The following IP6K2 variants were observed in gnomAD, a reference collection of about 807,000 sequenced individuals.
The protein encoded by IP6K2 is ATP:1D-myo-inositol-hexakisphosphate phosphotransferase.
A neutral mutation model predicts 43.3 loss-of-function variants in IP6K2; 9 were observed. That is an observed-to-expected ratio of 0.21 (90% CI 0.13 to 0.36). The LOEUF (loss-of-function observed/expected upper bound fraction) is 0.36. Among genes scored for constraint, IP6K2 ranks in the 10% least tolerant of loss-of-function variants. The probability of loss-of-function intolerance (pLI) is 1.00; values close to 1 mark genes in which losing one functional copy is unlikely to be tolerated. For synonymous variants in IP6K2, 209 were observed against 202.4 expected (o/e 1.03, Z -0.28); for missense variants, 332 against 538.4 (o/e 0.62, Z 3.79).
chr3:48,712,961 C>G (rs1340057651), intron 1 of IP6K2, among the ~76,000 whole-genome samples: 1 of 151,698 alleles, frequency 6.6e-6, no homozygotes, highest in Non-Finnish European at 1.5e-5. Flanking sequence ...TGCAATGAGC[C>G]GAGATCGCGC....
At chr3:48,694,866 C>G (rs943529676) in intron 2 of IP6K2, 1 of 1,537,832 alleles carries the variant, frequency 6.5e-7, no homozygotes, top group Admixed American at 2.0e-5. Flanking sequence ...AAATCAAACT[C>G]AAATCCACAC....
At chr3:48,704,753 G>A (rs1047512714) in intron 1 of IP6K2, among the ~76,000 whole-genome samples, 3 of 151,710 alleles carry the variant, frequency 2.0e-5, no homozygotes, top group East Asian at 3.9e-4. Context: ...GATTAGAGGC[G>A]TGTGCCACCG....
At chr3:48,714,473 A>G (rs1029986424) in intron 1 of IP6K2, among the ~76,000 whole-genome samples, 2 of 151,694 alleles carry the variant, frequency 1.3e-5, no homozygotes, top group Non-Finnish European at 2.9e-5. Context: ...GCTCACTGCA[A>G]TCTCCACCCC....
chr3:48,705,194 A>G (rs930558333), intron 1 of IP6K2, among the ~76,000 whole-genome samples: 5 of 150,900 alleles, frequency 3.3e-5, no homozygotes, highest in Non-Finnish European at 7.4e-5. Context: ...CCGCTGCCTC[A>G]GCCTCCCAAA....
chr3:48,696,948 A>T (rs2078421840), intron 1 of IP6K2, among the ~76,000 whole-genome samples: 1 of 151,898 alleles, frequency 6.6e-6, no homozygotes, highest in Non-Finnish European at 1.5e-5. Flanking sequence ...ACAATAAGCC[A>T]CTTCTCCCAA....
chr3:48,710,789 TTAG>T (rs1302372584), intron 1 of IP6K2, among the ~76,000 whole-genome samples: 1 of 152,132 alleles, frequency 6.6e-6, no homozygotes, highest in Non-Finnish European at 1.5e-5. Context: ...TTTTGTATTT[TTAG>T]TAGAGACAGG....
At chr3:48,694,018 CAG>C in intron 2 of IP6K2, 1 of 1,401,328 alleles carries the variant, frequency 7.1e-7, no homozygotes, top group South Asian at 1.7e-5. Flanking sequence ...CCTTTCCTCC[CAG>C]GCCTCTCTGC....
rs557103786 is a variant in IP6K2, at chr3:48,707,925, G to C, written c.-131+9232C>G. Reference sequence around the variant, plus strand: ...CTTTCTAGAACCACCAGCACAACTAGCTGCCCTATCTCTCTGCCTCGTCTG... The same window carrying C: ...CTTTCTAGAACCACCAGCACAACTACCTGCCCTATCTCTCTGCCTCGTCTG... On this transcript the variant is annotated intron_variant, in intron 1 of 5. Coordinates refer to ENST00000328631, the MANE Select transcript of IP6K2 (RefSeq NM_016291.4). Among the ~76,000 whole-genome samples, 3 of 152,294 alleles carry C rather than the reference G, an allele frequency of 2.0e-5. No individual in the cohort carries two copies. In the East Asian group the frequency reaches 5.8e-4, roughly 29 times the overall value.
chr3:48,715,453 T>C, intron 1 of IP6K2: 1 of 1,535,928 alleles, frequency 6.5e-7, no homozygotes, highest in Non-Finnish European at 8.7e-7. Flanking sequence ...TGGTTGCTCC[T>C]TCTTTCCTGG....
chr3:48,695,363 G>C lies in IP6K2; in HGVS notation c.-72C>G. 6.6e-7 allele frequency: 1 copy of C among 1,507,892 alleles called. No individual in the cohort carries two copies. Among genetic ancestry groups the C allele is most frequent in the Non-Finnish European group, 8.9e-7 (1 of 1,127,952 alleles). 93.4% of individuals were successfully genotyped at this position (1,507,892 alleles called of 1,614,324 possible). A position where few individuals can be genotyped will look rare whatever the true frequency, so the allele number is the denominator to read the frequency against. ...GCGGCCAGTACGTCTTCTGTCTGTT[G>C]TTTGTCCGTGTGTCCCTCTCGTCTT... On this transcript the variant is annotated 5_prime_UTR_variant, in exon 2 of 6. Transcript: ENST00000328631. The surrounding 1 kb of genome is among the most constrained non-coding windows in gnomAD (Gnocchi z 4.6).
chr3:48,712,734 A>G (rs555867118), intron 1 of IP6K2, among the ~76,000 whole-genome samples: 33 of 151,262 alleles, frequency 2.2e-4, no homozygotes, highest in African/African-American at 7.3e-4. Context: ...TTGTATGTGC[A>G]GGCCGGGCGC....
intron 1 of IP6K2, among the ~76,000 whole-genome samples, chr3:48,704,614 G>A (rs2079479944): frequency 6.6e-6 from 1 of 151,668 alleles, no homozygotes; most frequent in Non-Finnish European, 1.5e-5. Context: ...GACAGCTATA[G>A]GCACACGCCA....
intron 4 of IP6K2, 67 bp from the exon 5 acceptor site, chr3:48,689,780 T>C: frequency 7.2e-7 from 1 of 1,381,728 alleles, no homozygotes; most frequent in Non-Finnish European, 1.0e-6. Context: ...ACTCTCAAGG[T>C]ACAGTGCCTT....
chr3:48,715,596 G>T, intron 1 of IP6K2: 2 of 832,846 alleles, frequency 2.4e-6, no homozygotes, highest in Non-Finnish European at 3.7e-6. Flanking sequence ...TCCCTGCCTT[G>T]CTCCCTCCCT....
At chr3:48,699,136 GT>G (rs1289755675) in intron 1 of IP6K2, among the ~76,000 whole-genome samples, 1 of 152,152 alleles carries the variant, frequency 6.6e-6, no homozygotes. Context: ...GGGGCCGGGC[GT>G]GGTGGCTCAC....
chr3:48,704,410 G>A (rs1355204387), intron 1 of IP6K2, among the ~76,000 whole-genome samples: 3 of 151,844 alleles, frequency 2.0e-5, no homozygotes, highest in African/African-American at 7.3e-5. Context: ...CGGACTATTA[G>A]GATAGCATGA....
At chr3:48,707,337 C>G (rs1005264044) in intron 1 of IP6K2, among the ~76,000 whole-genome samples, 1 of 152,200 alleles carries the variant, frequency 6.6e-6, no homozygotes, top group Non-Finnish European at 1.5e-5. Flanking sequence ...GAGCTTCACT[C>G]CAAGTGAGAA....
At chr3:48,707,556 T>C (rs980908915) in intron 1 of IP6K2, among the ~76,000 whole-genome samples, 6 of 152,200 alleles carry the variant, frequency 3.9e-5, no homozygotes, top group Non-Finnish European at 7.3e-5. Flanking sequence ...TGCCTCAGAC[T>C]TCCAAGTAGC....
chr3:48,688,181 C>T lies in IP6K2; in HGVS notation c.*92G>A. The stretch of plus-strand genomic sequence containing the variant: ...GCACATCAGCTCCAGGCTGCAGGAG[C>T]CACCACCTGGCCATACTGGCTTCCT... On this transcript the variant is annotated 3_prime_UTR_variant, in exon 6 of 6. Coordinates refer to ENST00000328631, the MANE Select transcript of IP6K2 (RefSeq NM_016291.4). This position sits in a 1 kb window ranked among gnomAD's most constrained non-coding sequence, Gnocchi z 5.1. The T allele has an allele frequency of 6.9e-7, 1 of 1,449,436 alleles. No homozygotes were observed. The highest frequency in any genetic ancestry group is 2.3e-5 in the East Asian group (1 of 43,806). 89.8% of individuals were successfully genotyped at this position (1,449,436 alleles called of 1,614,324 possible).
Sources: allele counts gnomAD v4.1 joint callset (sites outside exome capture counted in the v4.1 genomes callset), GRCh38; gene constraint gnomAD v4.1.1; non-coding constraint Gnocchi (gnomAD v3.1); transcripts MANE v1.5; gene names NCBI Gene and HGNC (gene_info 2026-07-23, HGNC 2026-07-21).